Variants in HS6ST3 observed in about 807,000 individuals in gnomAD.
HS6ST3 encodes heparan sulfate 6-O-sulfotransferase 3.
HS6ST3 carries 12 observed loss-of-function variants against 36.7 expected under a neutral mutation model. The observed-to-expected ratio is 0.33, with a 90% confidence interval of 0.21 to 0.53. The LOEUF (loss-of-function observed/expected upper bound fraction) is 0.53. HS6ST3 is among the 20% of genes least tolerant of loss of function. HS6ST3 has a pLI of 0.95. For missense variants in HS6ST3, 584 were observed against 640.9 expected, an observed-to-expected ratio of 0.91 and a Z score of 0.96; for synonymous variants, 240 against 257.5, an observed-to-expected ratio of 0.93 and a Z score of 0.65.
At chr13:96,460,017 T>C (rs1649069107) in intron 1 of HS6ST3, among the ~76,000 whole-genome samples, 1 of 152,204 alleles carries the variant, frequency 6.6e-6, no homozygotes, top group Non-Finnish European at 1.5e-5. Context: ...CTTCAAATAC[T>C]TTTGAGTAGC....
intron 1 of HS6ST3, among the ~76,000 whole-genome samples, chr13:96,820,957 A>G (rs982768803): frequency 6.6e-6 from 1 of 152,192 alleles, no homozygotes; most frequent in Non-Finnish European, 1.5e-5. Context: ...GCTTTATTTC[A>G]ATTCTCTTGC....
At chr13:96,136,375 A>G (rs2054001705) in intron 1 of HS6ST3, among the ~76,000 whole-genome samples, 1 of 152,034 alleles carries the variant, frequency 6.6e-6, no homozygotes, top group Non-Finnish European at 1.5e-5. Flanking sequence ...GGCCTCAGGG[A>G]GCTTTTACGC....
chr13:96,593,346 G>A (rs1055501244), intron 1 of HS6ST3, among the ~76,000 whole-genome samples: 2 of 150,614 alleles, frequency 1.3e-5, no homozygotes, highest in Non-Finnish European at 3.0e-5. Flanking sequence ...ACCACGCCCA[G>A]CTAATTTTTT....
intron 1 of HS6ST3, among the ~76,000 whole-genome samples, chr13:96,365,485 C>CT (rs1324906912): frequency 3.3e-5 from 5 of 151,946 alleles, no homozygotes; most frequent in Non-Finnish European, 7.4e-5. Flanking sequence ...TATTTTTTCT[C>CT]TTTTTTTTCT....
At chr13:96,668,441 C>T (rs2056671411) in intron 1 of HS6ST3, among the ~76,000 whole-genome samples, 2 of 152,162 alleles carry the variant, frequency 1.3e-5, no homozygotes, top group Non-Finnish European at 2.9e-5. Flanking sequence ...AGCACATGCT[C>T]AAATGCTTCC....
chr13:96,648,958 A>T (rs954467132), intron 1 of HS6ST3, among the ~76,000 whole-genome samples: 1 of 151,944 alleles, frequency 6.6e-6, no homozygotes, highest in Non-Finnish European at 1.5e-5. Context: ...AGCACTTTCT[A>T]CTATCTATAT....
At chr13:96,739,508 G>A (rs1257230851) in intron 1 of HS6ST3, among the ~76,000 whole-genome samples, 1 of 151,940 alleles carries the variant, frequency 6.6e-6, no homozygotes, top group East Asian at 1.9e-4. Flanking sequence ...TCCCTTCACA[G>A]GGAATGGCCA....
chr13:96,534,327 T>C (rs1238421526), intron 1 of HS6ST3, among the ~76,000 whole-genome samples: 1 of 152,220 alleles, frequency 6.6e-6, no homozygotes, highest in African/African-American at 2.4e-5. Flanking sequence ...ATATATATAC[T>C]GGCTGTATTA....
intron 1 of HS6ST3, among the ~76,000 whole-genome samples, chr13:96,395,060 T>C (rs2055414095): frequency 6.6e-6 from 1 of 152,202 alleles, no homozygotes; most frequent in African/African-American, 2.4e-5. Context: ...TGCTTTGTGG[T>C]CTTCTCAAAA....
chr13:96,168,472 G>T (rs78032617), intron 1 of HS6ST3, among the ~76,000 whole-genome samples: 1 of 151,988 alleles, frequency 6.6e-6, no homozygotes, highest in African/African-American at 2.4e-5. Context: ...TTGGGTGGCC[G>T]GAGCAGGGGG....
chr13:96,226,451 C>T (rs777949868), intron 1 of HS6ST3, among the ~76,000 whole-genome samples: 3 of 152,098 alleles, frequency 2.0e-5, no homozygotes, highest in Non-Finnish European at 4.4e-5. Context: ...ACTTGGGAGG[C>T]GGAGGTTGCG....
chr13:96,706,802 C>CGTGACTGA (rs1369663310), intron 1 of HS6ST3, among the ~76,000 whole-genome samples: 1 of 152,046 alleles, frequency 6.6e-6, no homozygotes, highest in Non-Finnish European at 1.5e-5. Flanking sequence ...AGGAGGCTCA[C>CGTGACTGA]GTGACTGAGT....
chr13:96,544,404 T>G (rs1699250096), intron 1 of HS6ST3, among the ~76,000 whole-genome samples: 1 of 152,080 alleles, frequency 6.6e-6, no homozygotes, highest in African/African-American at 2.4e-5. Context: ...ACATGGCTAG[T>G]GTGTGGAAGA....
intron 1 of HS6ST3, among the ~76,000 whole-genome samples, chr13:96,146,861 C>T (rs938925483): frequency 1.3e-4 from 20 of 152,228 alleles, no homozygotes; most frequent in South Asian, 8.3e-4. Flanking sequence ...ATTGTATTAG[C>T]TAGTTTTGAA....
intron 1 of HS6ST3, among the ~76,000 whole-genome samples, chr13:96,470,646 T>C (rs1222221797): frequency 6.6e-6 from 1 of 152,170 alleles, no homozygotes; most frequent in Non-Finnish European, 1.5e-5. Context: ...AAGAGTTGTC[T>C]ACGTTTATTT....
At chr13:96,120,060 C>T (rs752976297) in intron 1 of HS6ST3, among the ~76,000 whole-genome samples, 1 of 151,992 alleles carries the variant, frequency 6.6e-6, no homozygotes, top group Non-Finnish European at 1.5e-5. Context: ...TAGGGCAGGC[C>T]CCTAATTCAA....
intron 1 of HS6ST3, among the ~76,000 whole-genome samples, chr13:96,269,950 C>T (rs1342538459): frequency 1.3e-5 from 2 of 151,946 alleles, no homozygotes; most frequent in African/African-American, 2.4e-5. Flanking sequence ...GTCTCTAGCT[C>T]TCTGTATACA....
chr13:96,318,224 G>A (rs2054985766), intron 1 of HS6ST3, among the ~76,000 whole-genome samples: 1 of 152,066 alleles, frequency 6.6e-6, no homozygotes, highest in Non-Finnish European at 1.5e-5. Flanking sequence ...GTTACTTTTT[G>A]TATACGGTGA....
intron 1 of HS6ST3, among the ~76,000 whole-genome samples, chr13:96,628,486 T>C (rs1244679952): frequency 6.6e-6 from 1 of 152,034 alleles, no homozygotes. Flanking sequence ...CTAAAATCAT[T>C]TCATCCATTT....
Sources: allele counts gnomAD v4.1 joint callset (sites outside exome capture counted in the v4.1 genomes callset), GRCh38; gene constraint gnomAD v4.1.1; transcripts MANE v1.5; gene names NCBI Gene and HGNC (gene_info 2026-07-23, HGNC 2026-07-21).